The following ZNF385B variants were observed in gnomAD, a reference collection of about 807,000 sequenced individuals.
The protein encoded by ZNF385B is zinc finger protein 533.
A neutral mutation model predicts 39.2 loss-of-function variants in ZNF385B; 23 were observed. That is an observed-to-expected ratio of 0.59 (90% CI 0.42 to 0.83). The LOEUF is 0.83. Among genes scored for constraint, ZNF385B ranks in the 40% least tolerant of loss-of-function variants. The pLI is 0.00. For missense variants in ZNF385B, 552 were observed against 598.9 expected, an observed-to-expected ratio of 0.92 and a Z score of 0.82; for synonymous variants, 205 against 222.6, an observed-to-expected ratio of 0.92 and a Z score of 0.70.
At chr2:179,799,269 T>C (rs1316214757) in intron 1 of ZNF385B, among the ~76,000 whole-genome samples, 2 of 152,026 alleles carry the variant, frequency 1.3e-5, no homozygotes, top group African/African-American at 4.8e-5. Flanking sequence ...GATGATTAGT[T>C]TTAAAAGCAT....
intron 5 of ZNF385B, among the ~76,000 whole-genome samples, chr2:179,492,442 C>T (rs2055341804): frequency 6.6e-6 from 1 of 152,046 alleles, no homozygotes; most frequent in African/African-American, 2.4e-5. Context: ...TTTAATCAGT[C>T]CAGAAGGTAT....
intron 6 of ZNF385B, among the ~76,000 whole-genome samples, chr2:179,468,227 G>A (rs1485932715): frequency 6.6e-6 from 1 of 152,222 alleles, no homozygotes; most frequent in Non-Finnish European, 1.5e-5. Context: ...ACCGATGTTA[G>A]TGAACTTGTC....
chr2:179,706,614 C>A (rs1261313363), intron 3 of ZNF385B, among the ~76,000 whole-genome samples: 1 of 152,102 alleles, frequency 6.6e-6, no homozygotes, highest in Non-Finnish European at 1.5e-5. Flanking sequence ...GTTCCCACCG[C>A]ATGAGTACAG....
intron 3 of ZNF385B, among the ~76,000 whole-genome samples, chr2:179,613,005 G>T (rs1007718994): frequency 6.6e-6 from 1 of 152,150 alleles, no homozygotes; most frequent in Admixed American, 6.5e-5. Context: ...GTCTCTCCCT[G>T]TAGCCATCAC....
At chr2:179,521,590 C>T (rs534966776) in intron 4 of ZNF385B, among the ~76,000 whole-genome samples, 1 of 152,034 alleles carries the variant, frequency 6.6e-6, no homozygotes, top group East Asian at 1.9e-4. Flanking sequence ...AGCTCTCCAT[C>T]CTGAAAGGTA....
At chr2:179,770,288 C>T (rs1286889728) in intron 2 of ZNF385B, among the ~76,000 whole-genome samples, 2 of 152,170 alleles carry the variant, frequency 1.3e-5, no homozygotes, top group African/African-American at 4.8e-5. Context: ...TGAGGACAGT[C>T]ACCTCGTCTC....
chr2:179,463,467 T>C (rs1370869943), intron 6 of ZNF385B, among the ~76,000 whole-genome samples: 1 of 152,132 alleles, frequency 6.6e-6, no homozygotes, highest in Non-Finnish European at 1.5e-5. Flanking sequence ...ACTCATCACC[T>C]ACATTAGGTA....
intron 3 of ZNF385B, among the ~76,000 whole-genome samples, chr2:179,589,409 A>C (rs538030887): frequency 8.5e-5 from 13 of 152,296 alleles, no homozygotes; most frequent in African/African-American, 3.1e-4. Context: ...CATGTATTCC[A>C]TAGGGAAAGA....
chr2:179,447,341 A>C (rs1293529767), intron 6 of ZNF385B, among the ~76,000 whole-genome samples: 2 of 152,222 alleles, frequency 1.3e-5, no homozygotes. Flanking sequence ...ATAAGAGACC[A>C]AGCTTCCATT....
At chr2:179,696,326 C>CTTTTTTTTTATTTTT in intron 3 of ZNF385B, among the ~76,000 whole-genome samples, 1 of 40,354 alleles carries the variant, frequency 2.5e-5, no homozygotes, top group Non-Finnish European at 4.1e-5. Flanking sequence ...CAAACTGGGA[C>CTTTTTTTTTATTTTT]TTTTTTTTTT....
At chr2:179,761,566 AAATAT>A (rs1171449149) in intron 3 of ZNF385B, among the ~76,000 whole-genome samples, 1 of 151,272 alleles carries the variant, frequency 6.6e-6, no homozygotes, top group East Asian at 1.9e-4. Flanking sequence ...TTTAGTATAT[AAATAT>A]AATATGCAAT....
At chr2:179,655,205 T>G (rs571207976) in intron 3 of ZNF385B, among the ~76,000 whole-genome samples, 1 of 152,278 alleles carries the variant, frequency 6.6e-6, no homozygotes, top group East Asian at 1.9e-4. Flanking sequence ...CTATATTTTC[T>G]GTTGTCAAGT....
At chr2:179,615,189 A>G (rs1404825890) in intron 3 of ZNF385B, among the ~76,000 whole-genome samples, 1 of 152,188 alleles carries the variant, frequency 6.6e-6, no homozygotes, top group Non-Finnish European at 1.5e-5. Context: ...GATGATATTA[A>G]TCATGCTAGT....
At chr2:179,833,907 G>T (rs1239323930) in intron 1 of ZNF385B, among the ~76,000 whole-genome samples, 2 of 152,112 alleles carry the variant, frequency 1.3e-5, no homozygotes, top group Non-Finnish European at 2.9e-5. Context: ...AAAAAGAACT[G>T]CAGAGATCTT....
At chr2:179,614,351 T>C (rs987088111) in intron 3 of ZNF385B, among the ~76,000 whole-genome samples, 2 of 152,194 alleles carry the variant, frequency 1.3e-5, no homozygotes, top group African/African-American at 2.4e-5. Context: ...CAACAATGCT[T>C]GGAATGTTGG....
intron 5 of ZNF385B, among the ~76,000 whole-genome samples, chr2:179,489,808 A>G (rs2055006213): frequency 6.6e-6 from 1 of 152,202 alleles, no homozygotes; most frequent in African/African-American, 2.4e-5. Context: ...GTAATGACAT[A>G]CTATTGGCTT....
intron 3 of ZNF385B, among the ~76,000 whole-genome samples, chr2:179,591,455 A>C (rs13000027): frequency 0.44 from 66,457 of 151,960 alleles, 15,107 homozygotes; most frequent in Middle Eastern, 0.59. Flanking sequence ...CAGTGGGAGG[A>C]AGGGGTTGGC....
At chr2:179,737,450 T>C in intron 3 of ZNF385B, among the ~76,000 whole-genome samples, 1 of 152,064 alleles carries the variant, frequency 6.6e-6, no homozygotes, top group Non-Finnish European at 1.5e-5. Context: ...ACTCAAAACC[T>C]CACATGTTGT....
chr2:179,569,202 G>C (rs941222298), intron 3 of ZNF385B, among the ~76,000 whole-genome samples: 46 of 152,130 alleles, frequency 3.0e-4, no homozygotes, highest in African/African-American at 1.1e-3. Context: ...TTTGGCTCTA[G>C]AGTCCATACT....
Sources: gnomAD v4.1 joint callset for allele counts (sites outside exome capture counted in the v4.1 genomes callset) on GRCh38, gnomAD v4.1.1 for gene constraint, MANE v1.5 for transcripts, NCBI Gene and HGNC (gene_info 2026-07-23, HGNC 2026-07-21) for gene names.